Variants in ADAM10 observed in about 807,000 individuals in gnomAD.
The protein encoded by ADAM10 is ADAM metallopeptidase domain 10, also known as disintegrin and metalloproteinase domain-containing protein 10.
In ADAM10, 17 loss-of-function variants were observed where a neutral mutation model predicts 90.1. That is an observed-to-expected ratio of 0.19 (90% CI 0.13 to 0.28). The LOEUF (loss-of-function observed/expected upper bound fraction) is 0.28, where lower values mean the gene tolerates loss of function less well. Ranked by LOEUF, ADAM10 falls within the 10% of genes least tolerant of loss-of-function variation. The pLI is 1.00. For missense variants in ADAM10, 610 were observed against 914.3 expected (o/e 0.67, Z 4.29); for synonymous variants, 310 against 298.6 (o/e 1.04, Z -0.40).
chr15:58,724,132 G>A (rs1169533692), intron 1 of ADAM10, among the ~76,000 whole-genome samples: 4 of 151,212 alleles, frequency 2.6e-5, no homozygotes, highest in Admixed American at 6.6e-5. Context: ...AGCCGAAATC[G>A]TGCCATTGCA....
At chr15:58,740,569 A>G (rs1899578850) in intron 1 of ADAM10, among the ~76,000 whole-genome samples, 1 of 151,936 alleles carries the variant, frequency 6.6e-6, no homozygotes. Flanking sequence ...TCTTGTATTT[A>G]TTTATTTATT....
intron 11 of ADAM10, among the ~76,000 whole-genome samples, chr15:58,614,471 TAGC>T (rs1370662128): frequency 6.6e-6 from 1 of 152,174 alleles, no homozygotes; most frequent in African/African-American, 2.4e-5. Context: ...TCTATTAGAC[TAGC>T]AGCAGATTTC....
At chr15:58,671,809 C>CT (rs1182691769) in intron 4 of ADAM10, among the ~76,000 whole-genome samples, 39 of 147,854 alleles carry the variant, frequency 2.6e-4, no homozygotes, top group Middle Eastern at 7.1e-3. Flanking sequence ...CCAAAAATAA[C>CT]TTTTTTTTTT....
At chr15:58,713,972 T>C (rs912030474) in intron 2 of ADAM10, among the ~76,000 whole-genome samples, 11 of 150,438 alleles carry the variant, frequency 7.3e-5, no homozygotes, top group Admixed American at 4.0e-4. Flanking sequence ...GCCCAGCTAA[T>C]TGTTTGTATT....
rs763634968 is a variant in ADAM10 at position 58,597,439 on chromosome 15, A to G, written c.*108T>C. On this transcript the variant is annotated 3_prime_UTR_variant, in exon 16 of 16. Transcript: ENST00000260408. ...ATGATCTCTTGCCATTTTTTCTTCAACTGTTACTTGTGAGGGTTTAGTTTG... is the reference window on the plus strand; with the variant it reads ...ATGATCTCTTGCCATTTTTTCTTCAGCTGTTACTTGTGAGGGTTTAGTTTG... 1 of 1,581,712 alleles carries G rather than the reference A, an allele frequency of 6.3e-7. No homozygotes were observed.
chr15:58,610,176 A>ATATAAAG, intron 14 of ADAM10, 121 bp downstream of exon 14: 1 of 808,214 alleles, frequency 1.2e-6, no homozygotes, highest in Non-Finnish European at 2.1e-6. Flanking sequence ...AAAAATCTTC[A>ATATAAAG]TATAAAGTAA....
chr15:58,595,915 G>A lies in ADAM10; in HGVS notation c.*1632C>T, dbSNP rs1440638127. 1 of 151,772 alleles carries A rather than the reference G, an allele frequency of 6.6e-6. No individual in the cohort carries two copies. The highest frequency in any genetic ancestry group is 1.5e-5 in the Non-Finnish European group (1 of 67,904). 9.4% of individuals were successfully genotyped at this position (151,772 alleles called of 1,614,324 possible). ...TTAGAATTATTTATAGTCTATCTGG[G>A]GTTTCATGTACAAAATTTGTCTCTA... On this transcript the variant is annotated 3_prime_UTR_variant, in exon 16 of 16. Coordinates refer to ENST00000260408, the MANE Select transcript of ADAM10 (RefSeq NM_001110.4).
At chr15:58,680,360 C>T (rs529888203) in intron 3 of ADAM10, among the ~76,000 whole-genome samples, 23 of 152,224 alleles carry the variant, frequency 1.5e-4, no homozygotes, top group Admixed American at 1.3e-3. Flanking sequence ...TGGGCTCAAA[C>T]AATCCACCTG....
At chr15:58,686,384 G>A (rs1897602304) in intron 2 of ADAM10, 2 of 895,620 alleles carry the variant, frequency 2.2e-6, no homozygotes, top group Admixed American at 2.1e-5. Flanking sequence ...AAACAAGGCT[G>A]GGCCCTCGGA....
At chr15:58,625,984 G>T (rs1468727610) in intron 10 of ADAM10, among the ~76,000 whole-genome samples, 28 of 117,044 alleles carry the variant, frequency 2.4e-4, no homozygotes, top group East Asian at 1.7e-3. Flanking sequence ...CAGGGTAGCA[G>T]GGGGGAGGAA....
intron 11 of ADAM10, among the ~76,000 whole-genome samples, chr15:58,621,212 G>A (rs1289705751): frequency 2.3e-5 from 3 of 130,712 alleles, no homozygotes; most frequent in East Asian, 4.9e-4. Flanking sequence ...GCAGTGAGCC[G>A]AGATCATGCC....
At position 58,605,796 on chromosome 15, in the gene ADAM10, A is replaced by T. The variant is rs558870965; in HGVS notation, c.2025+4501T>A. 1.0e-3 allele frequency among the ~76,000 whole-genome samples: 158 copies of T among 152,330 alleles called. 1 individual carries two copies. The highest frequency in any genetic ancestry group is 2.0e-3 in the Non-Finnish European group (133 of 68,028). On this transcript the variant is annotated intron_variant, in intron 14 of 15. Coordinates refer to ENST00000260408, the MANE Select transcript of ADAM10 (RefSeq NM_001110.4). ...ATTCTACATAAGAAAAAGAGAGATG[A>T]TGTTCAATACAGGCACTTAAACATA...
intron 2 of ADAM10, among the ~76,000 whole-genome samples, chr15:58,715,431 T>TG (rs1898626350): frequency 6.8e-6 from 1 of 147,266 alleles, no homozygotes; most frequent in Non-Finnish European, 1.5e-5. Context: ...AAAAAAAAAG[T>TG]ACCCTAAAAT....
intron 1 of ADAM10, among the ~76,000 whole-genome samples, chr15:58,728,867 T>C (rs1331202845): frequency 1.3e-5 from 2 of 152,202 alleles, no homozygotes; most frequent in Admixed American, 1.3e-4. Flanking sequence ...TACATAACTG[T>C]AGTTTGCTAA....
chr15:58,685,823 G>C (rs138726013), intron 2 of ADAM10, among the ~76,000 whole-genome samples: 1,530 of 151,868 alleles, frequency 0.01, 37 homozygotes, highest in African/African-American at 0.034. Context: ...TAAAATGTAA[G>C]TTAAAATAAC....
chr15:58,605,141 A>C (rs1895234401), intron 14 of ADAM10, among the ~76,000 whole-genome samples: 1 of 152,230 alleles, frequency 6.6e-6, no homozygotes, highest in Admixed American at 6.5e-5. Context: ...AACTGTAGAA[A>C]ACAAAGGTAA....
chr15:58,680,902 T>C (rs1897415047), intron 3 of ADAM10, among the ~76,000 whole-genome samples: 1 of 152,140 alleles, frequency 6.6e-6, no homozygotes, highest in Admixed American at 6.5e-5. Context: ...CACTGTAGCC[T>C]CAACCTCCTG....
At position 58,591,183 on chromosome 15, in the gene ADAM10, T is replaced by C. The variant is rs907582365; in HGVS notation, c.*6364A>G. 45 of 152,120 alleles carry C rather than the reference T, an allele frequency of 3.0e-4. No homozygotes were observed. The highest frequency in any genetic ancestry group is 1.1e-3 in the African/African-American group (44 of 41,444). The allele number at this position is 152,120 out of a possible 1,614,324, so 9.4% of individuals were successfully genotyped here. On this transcript the variant is annotated 3_prime_UTR_variant, in exon 16 of 16. Coordinates refer to ENST00000260408, the MANE Select transcript of ADAM10 (RefSeq NM_001110.4). Reference sequence around the variant, plus strand: ...AGAGACAGAGCAAACAGGGACCCAATGGCCTGCTTGCTAAGATTGCTGGAT... The same window carrying C: ...AGAGACAGAGCAAACAGGGACCCAACGGCCTGCTTGCTAAGATTGCTGGAT...
chr15:58,604,875 C>T (rs1436476757), intron 14 of ADAM10, among the ~76,000 whole-genome samples: 13 of 152,174 alleles, frequency 8.5e-5, no homozygotes, highest in African/African-American at 3.1e-4. Flanking sequence ...GCTGGGACTA[C>T]AAGGTACATG....
Sources: gnomAD v4.1 joint callset for allele counts (sites outside exome capture counted in the v4.1 genomes callset) on GRCh38, gnomAD v4.1.1 for gene constraint, MANE v1.5 for transcripts, NCBI Gene and HGNC (gene_info 2026-07-23, HGNC 2026-07-21) for gene names.